The following CABS1 variants were observed in gnomAD, a reference collection of about 807,000 sequenced individuals.
CABS1 encodes the protein calcium-binding and spermatid-specific protein 1.
For missense variants in CABS1, 500 were observed against 464.3 expected (o/e 1.08, Z -0.71); for synonymous variants, 195 against 169.0 (o/e 1.15, Z -1.19).
rs753508325 is a variant in CABS1, at chr4:70,335,114, C to T, written c.75C>T (p.Thr25=). The T allele has an allele frequency of 3.1e-6, 5 of 1,613,742 alleles. No homozygotes were observed. The highest frequency in any genetic ancestry group is 3.3e-5 in the Admixed American group (2 of 59,968). The part of the protein sequence containing the change: ...TESSKTPTAA[T]IFFGADNAIP... ...GCAGTAAAACACCAACTGCAGCAAC[C>T]ATTTTCTTTGGGGCTGACAATGCTA... The change falls in exon 1 of 2, where the codon ACC becomes ACT. Residue 25 remains threonine, a synonymous_variant. Coordinates refer to ENST00000273936, the MANE Select transcript of CABS1 (RefSeq NM_033122.4).
In CABS1 at chr4:70,335,018, G is replaced by A. The variant is rs905259095; in HGVS notation, c.-22G>A. On this transcript the variant is annotated 5_prime_UTR_variant, in exon 1 of 2. In the 5' UTR this introduces an upstream ATG that the reference lacks. Coordinates refer to ENST00000273936, the MANE Select transcript of CABS1 (RefSeq NM_033122.4). ...GAGTCCAGAAGCAAGACCTGTGAGA[G>A]TGCACAGTGCCACTTCGCCCCATGG... 6 of 1,599,376 alleles carry A rather than the reference G, an allele frequency of 3.8e-6. No individual in the cohort carries two copies. The highest frequency in any genetic ancestry group is 5.1e-6 in the Non-Finnish European group (6 of 1,172,564).
Position 70,335,928 on chromosome 4 carries a change from A to G in CABS1, c.889A>G (p.Ile297Val), listed in dbSNP as rs1402057138. ...TGAAGAAACTACCGAGGGAGCCAGTATTTGGATGGAGAGAGATACTGCAAA... is the reference window on the plus strand; with the variant it reads ...TGAAGAAACTACCGAGGGAGCCAGTGTTTGGATGGAGAGAGATACTGCAAA... The part of the protein sequence containing the change: ...TDEETTEGAS[I>V]WMERDTANEA... Residue 297 changes from isoleucine (I) to valine (V), a missense_variant, in exon 1 of 2, where the codon ATT becomes GTT. By Grantham distance (29) the Ile-to-Val change is conservative (BLOSUM62 3). Coordinates refer to ENST00000273936, the MANE Select transcript of CABS1 (RefSeq NM_033122.4). 5.0e-6 allele frequency: 8 copies of G among 1,613,462 alleles called. No homozygotes were observed. In the Admixed American group the frequency reaches 6.7e-5, roughly 13 times the overall value.
intron 1 of CABS1, among the ~76,000 whole-genome samples, chr4:70,336,750 A>C (rs944288944): frequency 2.0e-5 from 3 of 151,928 alleles, no homozygotes; most frequent in African/African-American, 7.2e-5. Context: ...TAATCCTCAT[A>C]TAAGAATTAA....
In CABS1 at chr4:70,335,636, C is replaced by T; in HGVS notation, c.597C>T (p.Val199=). 1 of 1,613,540 alleles carries T rather than the reference C, an allele frequency of 6.2e-7. No homozygotes were observed. The highest frequency in any genetic ancestry group is 8.5e-7 in the Non-Finnish European group (1 of 1,179,750). ...ATAATTCCTCCATCAAATCCAATGT[C>T]CCTGCTGATGAGGCTGTCCAGGTCA... ...SNYNSSIKSN[V]PADEAVQVTD... The change falls in exon 1 of 2, where the codon GTC becomes GTT. Residue 199 remains valine (V), a synonymous_variant. Transcript: ENST00000273936.
In CABS1 at chr4:70,335,657, G is replaced by A. The variant is rs746180980; in HGVS notation, c.618G>A (p.Gln206=). ...KSNVPADEAV[Q]VTDSTIPEAE... is the part of the protein sequence containing the mutation. ...ATGTCCCTGCTGATGAGGCTGTCCA[G>A]GTCACTGATTCCACTATTCCTGAGG... Residue 206 remains glutamine (Q), a synonymous_variant, in exon 1 of 2, where the codon CAG becomes CAA. Transcript: ENST00000273936. 1.2e-6 allele frequency: 2 copies of A among 1,613,550 alleles called. No individual in the cohort carries two copies. Among genetic ancestry groups the A allele is most frequent in the Admixed American group, 3.3e-5 (2 of 59,888 alleles).
Position 70,335,287 on chromosome 4 carries a change from C to T in CABS1, c.248C>T (p.Thr83Ile). 6.2e-7 allele frequency: 1 copy of T among 1,613,730 alleles called. No individual in the cohort carries two copies. Among genetic ancestry groups the T allele is most frequent in the Non-Finnish European group, 8.5e-7 (1 of 1,179,848 alleles). Reference sequence around the variant, plus strand: ...CTCAAATCAGAAGATGATATGGGGACCGACTTTATTAAGTCAACAACTCAC... The same window carrying T: ...CTCAAATCAGAAGATGATATGGGGATCGACTTTATTAAGTCAACAACTCAC... ...EKLKSEDDMG[T>I]DFIKSTTHLQ... Residue 83 changes from threonine to isoleucine, a missense_variant, in exon 1 of 2, where the codon ACC (threonine) becomes ATC (isoleucine). Physicochemically the swap from Thr to Ile is moderately conservative, Grantham distance 89. Coordinates refer to ENST00000273936, the MANE Select transcript of CABS1 (RefSeq NM_033122.4).
rs201448780 is a variant in CABS1 at position 70,335,649 on chromosome 4, G to T, written c.610G>T (p.Ala204Ser). The T allele has an allele frequency of 3.1e-4, 496 of 1,613,356 alleles. No homozygotes were observed. Among genetic ancestry groups the T allele is most frequent in the Non-Finnish European group, 1.8e-4 (216 of 1,179,750 alleles). Reference sequence around the variant, plus strand: ...CAAATCCAATGTCCCTGCTGATGAGGCTGTCCAGGTCACTGATTCCACTAT... The same window carrying T: ...CAAATCCAATGTCCCTGCTGATGAGTCTGTCCAGGTCACTGATTCCACTAT... ...SIKSNVPADEAVQVTDSTIPE... is the reference protein window; with the variant it reads ...SIKSNVPADESVQVTDSTIPE... The change falls in exon 1 of 2, where the codon GCT becomes TCT. Residue 204 changes from alanine (A) to serine (S), a missense_variant. Physicochemically the swap from Ala to Ser is moderately conservative, Grantham distance 99 (BLOSUM62 1). Coordinates refer to ENST00000273936, the MANE Select transcript of CABS1 (RefSeq NM_033122.4).
At chr4:70,336,925 T>G (rs1314028950) in intron 1 of CABS1, 41 bp from the exon 2 acceptor site, 1 of 152,394 alleles carries the variant, frequency 6.6e-6, no homozygotes, top group African/African-American at 2.4e-5. Context: ...ATTTTCTTTC[T>G]GTTAAAATGT....
In CABS1 at chr4:70,337,089, T is replaced by G. The variant is rs998159896; in HGVS notation, c.*243T>G. ...CTGTTTTCACTTTGCTCATTTTTCT[T>G]CAATAAATCTTTTTGGCAAGCAACT... On this transcript the variant is annotated 3_prime_UTR_variant, in exon 2 of 2. Coordinates refer to ENST00000273936, the MANE Select transcript of CABS1 (RefSeq NM_033122.4). 1.3e-5 allele frequency: 2 copies of G among 152,286 alleles called. No homozygotes were observed. The highest frequency in any genetic ancestry group is 2.9e-5 in the Non-Finnish European group (2 of 67,872). The allele number at this position is 152,286 out of a possible 1,614,324, so 9.4% of individuals were successfully genotyped here.
intron 1 of CABS1, among the ~76,000 whole-genome samples, chr4:70,336,702 G>T (rs571599495): frequency 5.4e-4 from 82 of 151,926 alleles, no homozygotes; most frequent in African/African-American, 1.8e-3. Flanking sequence ...TTTTTCATTA[G>T]TATTTCATCA....
rs1731691866 is a variant in CABS1 at position 70,335,222 on chromosome 4, A to C, written c.183A>C (p.Ser61=). The change falls in exon 1 of 2, where the codon TCA becomes TCC. Residue 61 remains serine (S), a synonymous_variant. Coordinates refer to ENST00000273936, the MANE Select transcript of CABS1 (RefSeq NM_033122.4). ...VNEYMLESDF[S]TTTDNKLTAK... ...AATATATGCTAGAAAGCGATTTTTC[A>C]ACAACTACAGACAACAAACTGACAG... 6.2e-7 allele frequency: 1 copy of C among 1,613,788 alleles called. No homozygotes were observed. The highest frequency in any genetic ancestry group is 8.5e-7 in the Non-Finnish European group (1 of 1,179,840).
chr4:70,335,044 C>A lies in CABS1; in HGVS notation c.5C>A (p.Ala2Asp). 1 of 1,611,572 alleles carries A rather than the reference C, an allele frequency of 6.2e-7. No homozygotes were observed. Among genetic ancestry groups the A allele is most frequent in the East Asian group, 2.2e-5 (1 of 44,804 alleles). The change falls in exon 1 of 2, where the codon GCT becomes GAT. Residue 2 changes from alanine to aspartate, a missense_variant. By Grantham distance (126) the Ala-to-Asp change is moderately radical (BLOSUM62 -2). Coordinates refer to ENST00000273936, the MANE Select transcript of CABS1 (RefSeq NM_033122.4). The part of the protein sequence containing the change: M[A>D]EDGLPKIYSH... ...TGCACAGTGCCACTTCGCCCCATGGCTGAAGATGGTTTGCCCAAAATTTAT... is the reference window on the plus strand; with the variant it reads ...TGCACAGTGCCACTTCGCCCCATGGATGAAGATGGTTTGCCCAAAATTTAT...
rs778613021 is a variant in CABS1, at chr4:70,335,939, G to A, written c.900G>A (p.Glu300=). 98 of 1,613,450 alleles carry A rather than the reference G, an allele frequency of 6.1e-5. No individual in the cohort carries two copies. The highest frequency in any genetic ancestry group is 8.1e-5 in the Non-Finnish European group (96 of 1,179,690). Residue 300 remains glutamate, a synonymous_variant, in exon 1 of 2, where the codon GAG becomes GAA. Coordinates refer to ENST00000273936, the MANE Select transcript of CABS1 (RefSeq NM_033122.4). Reference sequence around the variant, plus strand: ...CCGAGGGAGCCAGTATTTGGATGGAGAGAGATACTGCAAATGAAGCAGAGA... The same window carrying A: ...CCGAGGGAGCCAGTATTTGGATGGAAAGAGATACTGCAAATGAAGCAGAGA... ...ETTEGASIWM[E]RDTANEAETH...
At position 70,336,007 on chromosome 4, in the gene CABS1, T is replaced by G. The variant is rs754855562; in HGVS notation, c.968T>G (p.Phe323Cys). 3 of 1,613,404 alleles carry G rather than the reference T, an allele frequency of 1.9e-6. No homozygotes were observed. The highest frequency in any genetic ancestry group is 1.7e-6 in the Non-Finnish European group (2 of 1,179,684). Residue 323 changes from phenylalanine to cysteine, a missense_variant, in exon 1 of 2, where the codon TTC becomes TGC. By Grantham distance (205) the Phe-to-Cys change is radical (BLOSUM62 -2). Coordinates refer to ENST00000273936, the MANE Select transcript of CABS1 (RefSeq NM_033122.4). ...ACTGCTGTTGAATCCAGATATGACTTCGTTGTCCCTGCATCAATAGCTACA... is the reference window on the plus strand; with the variant it reads ...ACTGCTGTTGAATCCAGATATGACTGCGTTGTCCCTGCATCAATAGCTACA... ...LLTAVESRYD[F>C]VVPASIATNL...
rs750096993 is a variant in CABS1, at chr4:70,336,048, T to C, written c.1009T>C (p.Ser337Pro). The C allele has an allele frequency of 6.2e-7, 1 of 1,613,454 alleles. No homozygotes were observed. Among genetic ancestry groups the C allele is most frequent in the South Asian group, 1.1e-5 (1 of 91,072 alleles). Reference sequence around the variant, plus strand: ...AATAGCTACAAACCTAGTGGAAGAATCATCTACAGAAGAAGATTTGTCTGA... The same window carrying C: ...AATAGCTACAAACCTAGTGGAAGAACCATCTACAGAAGAAGATTTGTCTGA... The part of the protein sequence containing the change: ...ASIATNLVEE[S>P]STEEDLSETD... Residue 337 changes from serine to proline, a missense_variant, in exon 1 of 2, where the codon TCA (serine) becomes CCA (proline). Coordinates refer to ENST00000273936, the MANE Select transcript of CABS1 (RefSeq NM_033122.4).
In CABS1 at chr4:70,335,723, T is replaced by C; in HGVS notation, c.684T>C (p.Ile228=). 1 of 1,613,606 alleles carries C rather than the reference T, an allele frequency of 6.2e-7. No homozygotes were observed. Among genetic ancestry groups the C allele is most frequent in the Non-Finnish European group, 8.5e-7 (1 of 1,179,740 alleles). The change falls in exon 1 of 2, where the codon ATT becomes ATC. Residue 228 remains isoleucine, a synonymous_variant. Transcript: ENST00000273936. ...PPAPEESFTT[I]PDITALEEEK... is the part of the protein sequence containing the mutation. The stretch of plus-strand genomic sequence containing the variant: ...CTCCTGAAGAAAGCTTCACTACTAT[T>C]CCAGACATAACTGCCCTTGAAGAAG...
chr4:70,335,771 A>C lies in CABS1; in HGVS notation c.732A>C (p.Leu244=). Residue 244 remains leucine, a synonymous_variant, in exon 1 of 2, where the codon CTA becomes CTC. Coordinates refer to ENST00000273936, the MANE Select transcript of CABS1 (RefSeq NM_033122.4). ...AAGAGAAAATAACCGAAATTGACCT[A>C]AGTGTTTTAGAAGATGACACCAGTG... ...LEEEKITEID[L]SVLEDDTSAV... is the part of the protein sequence containing the mutation. 1 of 1,613,592 alleles carries C rather than the reference A, an allele frequency of 6.2e-7. No homozygotes were observed. The highest frequency in any genetic ancestry group is 8.5e-7 in the Non-Finnish European group (1 of 1,179,722).
chr4:70,335,932 G>A lies in CABS1; in HGVS notation c.893G>A (p.Trp298Ter). Residue 298 changes from tryptophan (W) to a stop codon, truncating the protein, a stop_gained, in exon 1 of 2, where the codon TGG becomes TAG. Coordinates refer to ENST00000273936, the MANE Select transcript of CABS1 (RefSeq NM_033122.4). LOFTEE classifies it low-confidence loss of function (END_TRUNC). ...GAAACTACCGAGGGAGCCAGTATTT[G>A]GATGGAGAGAGATACTGCAAATGAA... ...DEETTEGASIWMERDTANEAE... is the reference protein window; with the variant it reads ...DEETTEGASI The A allele has an allele frequency of 1.2e-6, 2 of 1,613,544 alleles. No individual in the cohort carries two copies. Among genetic ancestry groups the A allele is most frequent in the Non-Finnish European group, 1.7e-6 (2 of 1,179,690 alleles).
chr4:70,335,541 G>A lies in CABS1; in HGVS notation c.502G>A (p.Asp168Asn), dbSNP rs573726918. The A allele has an allele frequency of 1.2e-6, 2 of 1,613,654 alleles. No individual in the cohort carries two copies. Among genetic ancestry groups the A allele is most frequent in the Admixed American group, 1.7e-5 (1 of 59,930 alleles). Residue 168 changes from aspartate (D) to asparagine (N), a missense_variant, in exon 1 of 2, where the codon GAC becomes AAC. Coordinates refer to ENST00000273936, the MANE Select transcript of CABS1 (RefSeq NM_033122.4). The part of the protein sequence containing the change: ...ITSEVSGTLK[D>N]SSAGVADAPA... Reference sequence around the variant, plus strand: ...CTCTGAAGTCTCTGGCACACTAAAGGACAGCAGTGCTGGTGTTGCTGACGC... The same window carrying A: ...CTCTGAAGTCTCTGGCACACTAAAGAACAGCAGTGCTGGTGTTGCTGACGC...
Sources: gnomAD v4.1 joint callset for allele counts (sites outside exome capture counted in the v4.1 genomes callset) on GRCh38, gnomAD v4.1.1 for gene constraint, MANE v1.5 for transcripts, NCBI Gene and HGNC (gene_info 2026-07-23, HGNC 2026-07-21) for gene names.